NSG2: variants seen among roughly 807,000 people sequenced by gnomAD.
The protein encoded by NSG2 is neuronal vesicle trafficking associated 2, also known as neuronal vesicle trafficking-associated protein 2.
In NSG2, 4 loss-of-function variants were observed where a neutral mutation model predicts 16.9. The observed-to-expected ratio is 0.24, with a 90% CI of 0.12 to 0.54. The LOEUF (loss-of-function observed/expected upper bound fraction) is 0.54, where lower values mean the gene tolerates loss of function less well. Among genes scored for constraint, NSG2 ranks in the 20% least tolerant of loss-of-function variants. The pLI, the probability that NSG2 is intolerant of heterozygous loss-of-function variation, is 0.95. For synonymous variants in NSG2, 98 were observed against 88.7 expected, an observed-to-expected ratio of 1.11 and a Z score of -0.59; for missense variants, 179 against 221.1, an observed-to-expected ratio of 0.81 and a Z score of 1.21.
chr5:174,049,434 C>T (rs1759852874), intron 2 of NSG2, among the ~76,000 whole-genome samples: 1 of 113,672 alleles, frequency 8.8e-6, no homozygotes, highest in African/African-American at 4.6e-5. Context: ...GCTATATGTG[C>T]ACGCGCACGT....
intron 3 of NSG2, among the ~76,000 whole-genome samples, chr5:174,093,762 T>G (rs1323491355): frequency 6.6e-6 from 1 of 152,070 alleles, no homozygotes; most frequent in Non-Finnish European, 1.5e-5. Context: ...CTGATGTGAG[T>G]GGTTCTATTG....
intron 3 of NSG2, 68 bp downstream of exon 3, chr5:174,064,383 C>T (rs577832586): frequency 1.6e-5 from 17 of 1,070,046 alleles, no homozygotes; most frequent in African/African-American, 3.1e-5. Flanking sequence ...CAGCACACCT[C>T]GTGCTTGGAG....
intron 3 of NSG2, among the ~76,000 whole-genome samples, chr5:174,080,406 T>C (rs1424460776): frequency 1.3e-5 from 2 of 151,420 alleles, no homozygotes; most frequent in Admixed American, 6.6e-5. Flanking sequence ...ACTGTTTACT[T>C]GGATTACATA....
At position 174,072,070 on chromosome 5, in the gene NSG2, C is replaced by T. The variant is rs1205639407; in HGVS notation, c.213+7755C>T. The stretch of plus-strand genomic sequence containing the variant: ...AGCCTCCTCAGTGCTGGCCGCTGCA[C>T]CTAGCAGCCATAGAGCCAGGCCCCT... On this transcript the variant is annotated intron_variant, in intron 3 of 4. Coordinates refer to ENST00000303177, the MANE Select transcript of NSG2 (RefSeq NM_015980.5). This position sits in a 1 kb window ranked among gnomAD's most constrained non-coding sequence, Gnocchi z 4.0. 1.3e-5 allele frequency among the ~76,000 whole-genome samples: 2 copies of T among 152,194 alleles called. No individual in the cohort carries two copies. Among genetic ancestry groups the T allele is most frequent in the African/African-American group, 4.8e-5 (2 of 41,446 alleles).
At chr5:174,065,415 G>T (rs1458533574) in intron 3 of NSG2, among the ~76,000 whole-genome samples, 1 of 152,186 alleles carries the variant, frequency 6.6e-6, no homozygotes, top group Admixed American at 6.5e-5. Context: ...TGGGCGGAGG[G>T]CAGACAGTTC....
chr5:174,070,410 C>T (rs1374449277), intron 3 of NSG2, among the ~76,000 whole-genome samples: 1 of 152,168 alleles, frequency 6.6e-6, no homozygotes, highest in African/African-American at 2.4e-5. Context: ...AGCAAGAACC[C>T]AGCTTCATGG....
intron 3 of NSG2, chr5:174,066,282 A>G (rs1406858835): frequency 4.4e-6 from 2 of 456,090 alleles, no homozygotes; most frequent in South Asian, 3.1e-5. Flanking sequence ...ATAAGCAGGT[A>G]CCTGCATGAA....
chr5:174,057,960 G>A (rs1304413405), intron 2 of NSG2, among the ~76,000 whole-genome samples: 1 of 152,194 alleles, frequency 6.6e-6, no homozygotes, highest in African/African-American at 2.4e-5. Context: ...GGTAGAGGCC[G>A]TGCAACTGGA....
rs115184474 is a variant in NSG2, at chr5:174,051,048, G to A, written c.129+4164G>A. Among the ~76,000 whole-genome samples the A allele has an allele frequency of 5.9e-3, 893 of 152,160 alleles. 6 individuals are homozygous for A. The highest frequency in any genetic ancestry group is 0.02 in the African/African-American group (847 of 41,516). The stretch of plus-strand genomic sequence containing the variant: ...TCCATTCCTTTCACTCCCACGTTGC[G>A]CCTCGAATGTTAGCGTGCCAGACCT... On this transcript the variant is annotated intron_variant, in intron 2 of 4. Transcript: ENST00000303177.
At position 174,051,289 on chromosome 5, in the gene NSG2, C is replaced by T. The variant is rs908415024; in HGVS notation, c.129+4405C>T. ...AGAATTATCCTGCCCCAAATGTCAACAGCGCCAAGGTTGGGAAACCCTGCC... is the reference window on the plus strand; with the variant it reads ...AGAATTATCCTGCCCCAAATGTCAATAGCGCCAAGGTTGGGAAACCCTGCC... On this transcript the variant is annotated intron_variant, in intron 2 of 4. Transcript: ENST00000303177. Among the ~76,000 whole-genome samples the T allele has an allele frequency of 3.3e-5, 5 of 152,172 alleles. No homozygotes were observed. The East Asian group carries it at 7.7e-4, about 23-fold the overall frequency.
chr5:174,046,625 T>A, intron 1 of NSG2, 109 bp from the exon 2 acceptor site: 1 of 895,258 alleles, frequency 1.1e-6, no homozygotes, highest in Non-Finnish European at 1.7e-6. Context: ...ATCACTAGAT[T>A]GAAAGCCACT....
intron 2 of NSG2, among the ~76,000 whole-genome samples, chr5:174,052,506 A>G (rs1460509975): frequency 2.0e-5 from 3 of 152,080 alleles, no homozygotes; most frequent in East Asian, 1.9e-4. Flanking sequence ...ACTGGACTCA[A>G]TTTCTCTACT....
At chr5:174,105,030 A>C (rs6893606) in intron 4 of NSG2, among the ~76,000 whole-genome samples, 4 of 126,244 alleles carry the variant, frequency 3.2e-5, no homozygotes, top group African/African-American at 1.5e-4. Context: ...ACAGCTGATA[A>C]TATTTATAAT....
intron 3 of NSG2, among the ~76,000 whole-genome samples, chr5:174,068,553 G>T (rs1310097549): frequency 6.6e-6 from 1 of 150,972 alleles, no homozygotes; most frequent in Non-Finnish European, 1.5e-5. Context: ...TGTTGGGGGT[G>T]CTGGTTTCCT....
intron 3 of NSG2, among the ~76,000 whole-genome samples, chr5:174,091,837 A>G (rs181777306): frequency 5.9e-5 from 9 of 152,296 alleles, no homozygotes; most frequent in Admixed American, 1.3e-4. Context: ...ATAATCCATT[A>G]TTTAATCCAC....
chr5:174,046,905 C>T, intron 2 of NSG2, 21 bp downstream of exon 2: 1 of 1,612,798 alleles, frequency 6.2e-7, no homozygotes, highest in Non-Finnish European at 8.5e-7. Flanking sequence ...TCCTCTTGCT[C>T]TCATCAGCCC....
At chr5:174,084,642 G>T (rs1277257038) in intron 3 of NSG2, among the ~76,000 whole-genome samples, 1 of 152,234 alleles carries the variant, frequency 6.6e-6, no homozygotes, top group African/African-American at 2.4e-5. Flanking sequence ...CATGTGGTTT[G>T]TCCATAGCCC....
chr5:174,092,077 A>C (rs1243391672), intron 3 of NSG2, among the ~76,000 whole-genome samples: 1 of 152,212 alleles, frequency 6.6e-6, no homozygotes, highest in Non-Finnish European at 1.5e-5. Flanking sequence ...CTTGCATTCA[A>C]ACCTCCTGGA....
chr5:174,061,769 A>G (rs1002826556), intron 2 of NSG2, among the ~76,000 whole-genome samples: 2 of 151,868 alleles, frequency 1.3e-5, no homozygotes, highest in African/African-American at 4.8e-5. Flanking sequence ...ATGCCCAGCT[A>G]ATTTTTTTAA....
Sources: gnomAD v4.1 joint callset for allele counts (sites outside exome capture counted in the v4.1 genomes callset) on GRCh38, gnomAD v4.1.1 for gene constraint, Gnocchi (gnomAD v3.1) non-coding constraint, MANE v1.5 for transcripts, NCBI Gene and HGNC (gene_info 2026-07-23, HGNC 2026-07-21) for gene names.